Variants in GABRP observed in about 807,000 individuals in gnomAD.
The protein encoded by GABRP is gamma-aminobutyric acid receptor subunit pi.
GABRP carries 52 observed loss-of-function variants against 47.8 expected under a neutral mutation model. The observed-to-expected ratio is 1.09, with a 90% confidence interval of 0.87 to 1.37. The LOEUF (loss-of-function observed/expected upper bound fraction) is 1.37. Among genes scored for constraint, GABRP ranks in the 40% most tolerant of loss-of-function variants. The pLI, the probability that GABRP is intolerant of heterozygous loss-of-function variation, is 0.00. For synonymous variants in GABRP, 221 were observed against 205.8 expected (o/e 1.07, Z -0.63); for missense variants, 525 against 542.8 (o/e 0.97, Z 0.33).
intron 3 of GABRP, among the ~76,000 whole-genome samples, chr5:170,791,644 A>G (rs1317467544): frequency 2.1e-5 from 3 of 145,502 alleles, no homozygotes; most frequent in Non-Finnish European, 4.5e-5. Context: ...TAGACGGTGT[A>G]GAATATAAAC....
chr5:170,791,406 G>C (rs551858022), intron 3 of GABRP, among the ~76,000 whole-genome samples: 2 of 152,346 alleles, frequency 1.3e-5, no homozygotes, highest in Admixed American at 1.3e-4. Context: ...CCAGTTTTCA[G>C]GACCCCAAGT....
chr5:170,795,614 A>G (rs1194509373), intron 5 of GABRP, among the ~76,000 whole-genome samples, 189 bp downstream of exon 5: 4 of 152,168 alleles, frequency 2.6e-5, no homozygotes, highest in African/African-American at 9.7e-5. Context: ...CTCTGTGCCA[A>G]GCCCCATGCT....
rs768154765 is a variant in GABRP at position 170,795,200 on chromosome 5, C to A, written c.241-8C>A. On this transcript the variant is annotated splice_polypyrimidine_tract_variant and splice_region_variant and intron_variant, in intron 4 of 9. Transcript: ENST00000265294. ...CATCCATTTCCATACCCTGCCTCCC[C>A]CTCCCAGGACTACACAGCCACCATA... The A allele has an allele frequency of 4.4e-6, 7 of 1,608,092 alleles. No individual in the cohort carries two copies. The highest frequency in any genetic ancestry group is 5.1e-6 in the Non-Finnish European group (6 of 1,175,578).
chr5:170,806,737 C>A (rs538027526), intron 7 of GABRP, among the ~76,000 whole-genome samples: 9 of 151,654 alleles, frequency 5.9e-5, no homozygotes, highest in Non-Finnish European at 8.8e-5. Context: ...CCACCGCGCC[C>A]GGCCTACTGT....
rs1309777219 is a variant in GABRP at position 170,812,574 on chromosome 5, C to A, written c.*316C>A. 1 of 253,930 alleles carries A rather than the reference C, an allele frequency of 3.9e-6. No individual in the cohort carries two copies. The highest frequency in any genetic ancestry group is 7.6e-6 in the Non-Finnish European group (1 of 131,318). The allele number at this position is 253,930 out of a possible 1,614,324, so 15.7% of individuals were successfully genotyped here. A position where few individuals can be genotyped will look rare whatever the true frequency, so the allele number is the denominator to read the frequency against. ...GTGGCTCCCTGGTTTGCATTTACCT[C>A]ATATAAAGAATGGGAAGGAGACCAT... On this transcript the variant is annotated 3_prime_UTR_variant, in exon 10 of 10. Coordinates refer to ENST00000265294, the MANE Select transcript of GABRP (RefSeq NM_014211.3).
intron 7 of GABRP, among the ~76,000 whole-genome samples, chr5:170,807,025 G>A (rs780667326): frequency 1.4e-4 from 22 of 151,880 alleles, no homozygotes; most frequent in Admixed American, 4.6e-4. Flanking sequence ...CTCAGCTCAC[G>A]GCAAAATTCA....
intron 1 of GABRP, among the ~76,000 whole-genome samples, chr5:170,785,108 C>T (rs1290691118): frequency 6.6e-6 from 1 of 152,240 alleles, no homozygotes; most frequent in Non-Finnish European, 1.5e-5. Context: ...TAAATAGCCA[C>T]TTAACGATTG....
intron 6 of GABRP, among the ~76,000 whole-genome samples, chr5:170,799,277 T>G (rs961141499): frequency 6.6e-6 from 1 of 152,334 alleles, no homozygotes. Flanking sequence ...ATGATTTATA[T>G]TCCTTTGTGT....
intron 1 of GABRP, among the ~76,000 whole-genome samples, chr5:170,787,811 T>G (rs1765166302): frequency 6.6e-6 from 1 of 152,022 alleles, no homozygotes; most frequent in Admixed American, 6.5e-5. Context: ...GGCTCTCAGG[T>G]TTTTGTTTCC....
intron 2 of GABRP, 58 bp downstream of exon 2, chr5:170,788,726 T>C (rs1581587861): frequency 6.5e-7 from 1 of 1,534,834 alleles, no homozygotes; most frequent in African/African-American, 1.4e-5. Flanking sequence ...TTCGGGCATG[T>C]GGTGGGAGGG....
In GABRP at chr5:170,808,610, T is replaced by G. The variant is rs775001879; in HGVS notation, c.690T>G (p.Thr230=). ...TGTTTACCCTTTCAGGAAATTACAC[T>G]AGATTGGTCTTACAGTTTGAGCTTC... The part of the protein sequence containing the change: ...TRSQQETGNY[T]RLVLQFELRR... The change falls in exon 8 of 10, where the codon ACT becomes ACG. Residue 230 remains threonine (T), a synonymous_variant. Coordinates refer to ENST00000265294, the MANE Select transcript of GABRP (RefSeq NM_014211.3). The G allele has an allele frequency of 1.2e-6, 2 of 1,613,804 alleles. No individual in the cohort carries two copies.
chr5:170,786,421 A>C (rs1765133177), intron 1 of GABRP, among the ~76,000 whole-genome samples: 1 of 152,248 alleles, frequency 6.6e-6, no homozygotes, highest in African/African-American at 2.4e-5. Flanking sequence ...TTTGTAACGT[A>C]AAAACTTTGG....
At chr5:170,786,897 A>C (rs1039892692) in intron 1 of GABRP, among the ~76,000 whole-genome samples, 6 of 152,232 alleles carry the variant, frequency 3.9e-5, no homozygotes, top group Non-Finnish European at 7.3e-5. Flanking sequence ...ATGTAAATAT[A>C]TATGTGTATC....
At position 170,788,558 on chromosome 5, in the gene GABRP, G is replaced by GC; in HGVS notation, c.-42-11dup. ...TGTTGCACGGCCTTCCACTTACCTTGCCCCCTGTTTCCCAGGTGATTCCTA... is the reference window on the plus strand; with the variant it reads ...TGTTGCACGGCCTTCCACTTACCTTGCCCCCCTGTTTCCCAGGTGATTCCTA... On this transcript the variant is annotated splice_polypyrimidine_tract_variant and intron_variant, in intron 1 of 9. Coordinates refer to ENST00000265294, the MANE Select transcript of GABRP (RefSeq NM_014211.3). The GC allele has an allele frequency of 1.3e-6, 2 of 1,573,636 alleles. No homozygotes were observed. Among genetic ancestry groups the GC allele is most frequent in the Admixed American group, 3.3e-5 (2 of 59,938 alleles).
intron 6 of GABRP, among the ~76,000 whole-genome samples, chr5:170,800,987 A>G (rs1470624476): frequency 1.3e-5 from 2 of 152,236 alleles, no homozygotes; most frequent in Non-Finnish European, 2.9e-5. Flanking sequence ...TCTTTTCCCA[A>G]TAAATACTGT....
intron 6 of GABRP, among the ~76,000 whole-genome samples, chr5:170,800,704 G>A (rs1354349431): frequency 6.6e-6 from 1 of 152,210 alleles, no homozygotes; most frequent in Non-Finnish European, 1.5e-5. Flanking sequence ...CCAGCACTTT[G>A]GGAGGCCAAG....
chr5:170,782,841 C>T (rs1765043287), upstream of GABRP: 1 of 152,498 alleles, frequency 6.6e-6, no homozygotes, highest in Non-Finnish European at 1.5e-5. Context: ...CTGAGTCCCT[C>T]CTGGCTCCCA....
intron 9 of GABRP, among the ~76,000 whole-genome samples, chr5:170,811,533 A>G (rs892610705): frequency 5.3e-5 from 8 of 152,098 alleles, no homozygotes; most frequent in Non-Finnish European, 8.8e-5. Flanking sequence ...TTACCATTTA[A>G]TCTTCCCATC....
chr5:170,790,491 G>A (rs760121848), intron 3 of GABRP, among the ~76,000 whole-genome samples: 10 of 152,260 alleles, frequency 6.6e-5, no homozygotes, highest in Non-Finnish European at 1.5e-4. Flanking sequence ...TGGTAGTCCA[G>A]ATCCTCCGGG....
Sources: allele counts gnomAD v4.1 joint callset (sites outside exome capture counted in the v4.1 genomes callset), GRCh38; gene constraint gnomAD v4.1.1; transcripts MANE v1.5; gene names NCBI Gene and HGNC (gene_info 2026-07-23, HGNC 2026-07-21).